COL13A1: variants seen among roughly 807,000 people sequenced by gnomAD.
COL13A1 encodes collagen type XIII alpha 1 chain, also known as collagen alpha-1(XIII) chain.
In COL13A1, 89 loss-of-function variants were observed where a neutral mutation model predicts 130.9. That is an observed-to-expected ratio of 0.68 (90% CI 0.57 to 0.81). COL13A1 has a LOEUF of 0.81. COL13A1 is among the 30% of genes least tolerant of loss of function. COL13A1 has a pLI of 0.00. For synonymous variants in COL13A1, 402 were observed against 341.6 expected, an observed-to-expected ratio of 1.18 and a Z score of -1.95; for missense variants, 879 against 934.6, an observed-to-expected ratio of 0.94 and a Z score of 0.78.
chr10:69,941,167 C>T (rs1589670795), intron 35 of COL13A1, 144 bp downstream of exon 35: 2 of 1,390,060 alleles, frequency 1.4e-6, no homozygotes, highest in East Asian at 4.6e-5. Context: ...GCCACTGATG[C>T]TCTGAAGTGC....
intron 1 of COL13A1, among the ~76,000 whole-genome samples, chr10:69,804,809 CAAAAAAA>C (rs57098368): frequency 2.5e-4 from 19 of 75,384 alleles, no homozygotes; most frequent in African/African-American, 6.7e-4. Flanking sequence ...ATGTCGTGTG[CAAAAAAA>C]AAAAAAAAAA....
intron 26 of COL13A1, among the ~76,000 whole-genome samples, chr10:69,926,842 G>A (rs1056998152): frequency 2.0e-5 from 3 of 152,122 alleles, no homozygotes; most frequent in Admixed American, 6.5e-5. Context: ...ATTGTAGGAC[G>A]GCCTCAGAGT....
intron 1 of COL13A1, among the ~76,000 whole-genome samples, chr10:69,818,665 C>A (rs1258109338): frequency 2.0e-5 from 3 of 152,200 alleles, no homozygotes; most frequent in African/African-American, 7.2e-5. Flanking sequence ...AAATTCCAGT[C>A]CAAGCCTGAA....
At position 69,927,120 on chromosome 10, in the gene COL13A1, G is replaced by T; in HGVS notation, c.1422+10G>T. The T allele has an allele frequency of 6.2e-7, 1 of 1,612,574 alleles. No homozygotes were observed. Among genetic ancestry groups the T allele is most frequent in the Non-Finnish European group, 8.5e-7 (1 of 1,179,596 alleles). On this transcript the variant is annotated intron_variant, in intron 27 of 40. Transcript: ENST00000645393. Reference sequence around the variant, plus strand: ...GACGCTGGCCTTGATGGTAAGTTTTGCTCCTCCTGGCTTTCCTTGGGCACT... The same window carrying T: ...GACGCTGGCCTTGATGGTAAGTTTTTCTCCTCCTGGCTTTCCTTGGGCACT...
chr10:69,921,091 G>C (rs1391837110), intron 21 of COL13A1, among the ~76,000 whole-genome samples: 1 of 152,186 alleles, frequency 6.6e-6, no homozygotes, highest in East Asian at 1.9e-4. Context: ...TTGTCCCACA[G>C]TTCTGGAAGC....
At chr10:69,826,990 C>A (rs1404132204) in intron 2 of COL13A1, among the ~76,000 whole-genome samples, 1 of 152,184 alleles carries the variant, frequency 6.6e-6, no homozygotes, top group Non-Finnish European at 1.5e-5. Flanking sequence ...ACGTGGTTAC[C>A]CCCAGATTCA....
At chr10:69,891,384 T>G (rs1044325706) in intron 10 of COL13A1, among the ~76,000 whole-genome samples, 1 of 151,924 alleles carries the variant, frequency 6.6e-6, no homozygotes, top group Admixed American at 6.6e-5. Flanking sequence ...TTTCTGGACA[T>G]GGGAGAATAG....
chr10:69,924,986 A>G lies in COL13A1; in HGVS notation c.1308A>G (p.Glu436=). 1 of 1,593,800 alleles carries G rather than the reference A, an allele frequency of 6.3e-7. No individual in the cohort carries two copies. Among genetic ancestry groups the G allele is most frequent in the South Asian group, 1.2e-5 (1 of 86,918 alleles). The part of the protein sequence containing the change: ...GDKGERGAAG[E]QGPDGPKGSK... ...AGGGGGAGCGTGGAGCAGCTGGAGA[A>G]CAGGGACCAGATGGCCCCAAGGTAT... The change falls in exon 25 of 41, where the codon GAA becomes GAG. Residue 436 remains glutamate, a synonymous_variant. Transcript: ENST00000645393.
chr10:69,877,374 C>T (rs1471734415), intron 5 of COL13A1: 2 of 153,182 alleles, frequency 1.3e-5, no homozygotes, highest in African/African-American at 4.8e-5. Flanking sequence ...GCCTTCTGGC[C>T]TCCTGTGATT....
chr10:69,855,991 T>C (rs1283538100), intron 2 of COL13A1, among the ~76,000 whole-genome samples: 5 of 152,204 alleles, frequency 3.3e-5, no homozygotes, highest in African/African-American at 1.2e-4. Context: ...TCAGCAAGGA[T>C]TGACTGAGCC....
chr10:69,938,202 T>A (rs796147130), intron 34 of COL13A1, among the ~76,000 whole-genome samples: 6 of 152,258 alleles, frequency 3.9e-5, no homozygotes, highest in African/African-American at 1.2e-4. Flanking sequence ...GCCAAGGCCG[T>A]TCATCTCCTG....
At chr10:69,898,482 C>G (rs2061875737) in intron 13 of COL13A1, among the ~76,000 whole-genome samples, 1 of 152,228 alleles carries the variant, frequency 6.6e-6, no homozygotes, top group Non-Finnish European at 1.5e-5. Flanking sequence ...GCTGTGCCAT[C>G]CAAGGGCAAG....
intron 31 of COL13A1, 85 bp from the exon 32 acceptor site, chr10:69,935,264 TG>T: frequency 1.7e-6 from 2 of 1,185,736 alleles, no homozygotes; most frequent in Non-Finnish European, 2.5e-6. Flanking sequence ...TGTCCTCCTC[TG>T]GCCTTGCAGT....
intron 1 of COL13A1, among the ~76,000 whole-genome samples, 165 bp from the exon 2 acceptor site, chr10:69,822,204 A>C (rs1251432395): frequency 6.6e-6 from 1 of 152,168 alleles, no homozygotes; most frequent in East Asian, 1.9e-4. Context: ...GTTATTACCC[A>C]GATGCCCGGT....
In COL13A1 at chr10:69,933,135, CAAAAAAAAAAAA is replaced by C. The variant is rs34323794; in HGVS notation, c.1728+552_1728+563del. Among the ~76,000 whole-genome samples the C allele has an allele frequency of 2.5e-4, 11 of 44,430 alleles. 1 individual carries two copies. Among genetic ancestry groups the C allele is most frequent in the Non-Finnish European group, 4.5e-4 (11 of 24,528 alleles). 29.1% of individuals were successfully genotyped at this position (44,430 alleles called of 152,430 possible). A position where few individuals can be genotyped will look rare whatever the true frequency, so the allele number is the denominator to read the frequency against. ...TGGGCAACAGAGTGAGACTCTGCCTCAAAAAAAAAAAAAAAAAAAAAAAAAAAAAAAACAGAA... is the reference window on the plus strand; with the variant it reads ...TGGGCAACAGAGTGAGACTCTGCCTCAAAAAAAAAAAAAAAAAAAACAGAA... On this transcript the variant is annotated intron_variant, in intron 31 of 40. Transcript: ENST00000645393.
intron 2 of COL13A1, among the ~76,000 whole-genome samples, chr10:69,834,277 T>C (rs1178492867): frequency 2.0e-5 from 3 of 152,176 alleles, no homozygotes; most frequent in Admixed American, 2.0e-4. Context: ...TGAGGCCTGG[T>C]TCTTAACAGG....
intron 37 of COL13A1, among the ~76,000 whole-genome samples, chr10:69,946,811 C>T (rs931385870): frequency 7.9e-5 from 12 of 151,894 alleles, no homozygotes; most frequent in South Asian, 2.1e-4. Flanking sequence ...TGTTTTGAGA[C>T]GGAGTCTCAC....
At position 69,822,330 on chromosome 10, in the gene COL13A1, G is replaced by A. The variant is rs186682315; in HGVS notation, c.295-39G>A. 1.2e-4 allele frequency: 177 copies of A among 1,506,446 alleles called. No homozygotes were observed. The East Asian group carries it at 3.2e-3, about 27-fold the overall frequency. The allele number at this position is 1,506,446 out of a possible 1,614,324, so 93.3% of individuals were successfully genotyped here. A position where few individuals can be genotyped will look rare whatever the true frequency, so the allele number is the denominator to read the frequency against. ...CTGCTTTCCAGGGCTTGGTGTCTAC[G>A]AGCTCCTGGTGACTCCTCTTGTCTG... On this transcript the variant is annotated intron_variant, in intron 1 of 40. Transcript: ENST00000645393.
chr10:69,877,521 G>A lies in COL13A1; in HGVS notation c.436-518G>A, dbSNP rs923164359. ...ACCAGCATCACAACACAGTCCTGGG[G>A]CAATTCCCCCGATCCCCACCCCAAC... is the stretch of plus-strand genomic sequence containing the variant. On this transcript the variant is annotated intron_variant, in intron 5 of 40. Coordinates refer to ENST00000645393, the MANE Select transcript of COL13A1 (RefSeq NM_001368882.1). 5.0e-5 allele frequency: 8 copies of A among 160,702 alleles called. No homozygotes were observed. In the East Asian group the frequency reaches 1.1e-3, roughly 22 times the overall value. 10.0% of individuals were successfully genotyped at this position (160,702 alleles called of 1,614,324 possible).
Sources: gnomAD v4.1 joint callset for allele counts (sites outside exome capture counted in the v4.1 genomes callset) on GRCh38, gnomAD v4.1.1 for gene constraint, MANE v1.5 for transcripts, NCBI Gene and HGNC (gene_info 2026-07-23, HGNC 2026-07-21) for gene names.